Variants in SIM2 observed in about 807,000 individuals in gnomAD.
SIM2 encodes single-minded homolog 2.
A neutral mutation model predicts 64.8 loss-of-function variants in SIM2; 28 were observed. The ratio of observed to expected loss-of-function variants is 0.43; its 90% confidence interval spans 0.32 to 0.59. The LOEUF (loss-of-function observed/expected upper bound fraction) is 0.59, where lower values mean the gene tolerates loss of function less well. Ranked by LOEUF, SIM2 falls within the 20% of genes least tolerant of loss-of-function variation. The pLI is 0.07. For synonymous variants in SIM2, 408 were observed against 391.1 expected (o/e 1.04, Z -0.51); for missense variants, 847 against 871.4 (o/e 0.97, Z 0.35).
At position 36,712,606 on chromosome 21, in the gene SIM2, AT is replaced by A; in HGVS notation, c.335del (p.Leu112Ter). On this transcript the variant is annotated frameshift_variant, in exon 3 of 11. Transcript: ENST00000290399. LOFTEE classifies it high-confidence loss of function. Reference sequence around the variant, plus strand: ...TATATATCCGAGACCGCTTCTGTCCATTTAGGCTTATCCCAGGTGGGTATTG... The same window carrying A: ...TATATATCCGAGACCGCTTCTGTCCATTAGGCTTATCCCAGGTGGGTATTG... ...IMYISETASV[H>X]LGLSQVELTG... 1 of 1,612,562 alleles carries A rather than the reference AT, an allele frequency of 6.2e-7. No homozygotes were observed. Among genetic ancestry groups the A allele is most frequent in the Non-Finnish European group, 8.5e-7 (1 of 1,178,996 alleles).
chr21:36,708,548 C>A (rs1028639668), intron 1 of SIM2, among the ~76,000 whole-genome samples: 4 of 152,182 alleles, frequency 2.6e-5, no homozygotes, highest in Non-Finnish European at 5.9e-5. Flanking sequence ...CCCAGGTAAA[C>A]CCCTCACAGG....
rs1370008131 is a variant in SIM2, at chr21:36,732,432, A to G, written c.850+1281A>G. On this transcript the variant is annotated intron_variant, in intron 7 of 10. Coordinates refer to ENST00000290399, the MANE Select transcript of SIM2 (RefSeq NM_005069.6). ...CAGTGTCGAGTGGGAGGGGGACGGCAGGCCCGCAGGCCGCTAGGTCCACAG... is the reference window on the plus strand; with the variant it reads ...CAGTGTCGAGTGGGAGGGGGACGGCGGGCCCGCAGGCCGCTAGGTCCACAG... Among the ~76,000 whole-genome samples, 6 of 152,178 alleles carry G rather than the reference A, an allele frequency of 3.9e-5. No homozygotes were observed. The South Asian group carries it at 1.2e-3, about 32-fold the overall frequency.
chr21:36,742,327 C>G (rs1285504094), intron 8 of SIM2, among the ~76,000 whole-genome samples: 2 of 151,984 alleles, frequency 1.3e-5, no homozygotes, highest in African/African-American at 2.4e-5. Flanking sequence ...TCTTATAGAG[C>G]CTGTTACAAA....
At chr21:36,736,769 CTTCT>C (rs144390243) in intron 7 of SIM2, among the ~76,000 whole-genome samples, 84,639 of 142,848 alleles carry the variant, frequency 0.59, 25,856 homozygotes, top group East Asian at 0.68. Context: ...CCCTCCCTTT[CTTCT>C]TTCTTTCTTT....
rs2073417 is a variant in SIM2 at position 36,748,417 on chromosome 21, G to A, written c.*325G>A. 41,800 of 157,394 alleles carry A rather than the reference G, an allele frequency of 0.27. 5,962 individuals are homozygous for A. The highest frequency in any genetic ancestry group is 0.39 in the Middle Eastern group (129 of 328). 9.7% of individuals were successfully genotyped at this position (157,394 alleles called of 1,614,324 possible). On this transcript the variant is annotated 3_prime_UTR_variant, in exon 11 of 11. Transcript: ENST00000290399. The stretch of plus-strand genomic sequence containing the variant: ...CCCAACGTTCCACAACAGTCCCGCT[G>A]GGGGATTGAAGCGGTTTCACTCCGC...
chr21:36,733,059 G>T (rs2088992213), intron 7 of SIM2, among the ~76,000 whole-genome samples: 2 of 152,176 alleles, frequency 1.3e-5, no homozygotes, highest in African/African-American at 2.4e-5. Context: ...CTAAGGGAAA[G>T]CCCCAGCCCT....
intron 7 of SIM2, among the ~76,000 whole-genome samples, chr21:36,734,267 A>G (rs562607822): frequency 9.9e-4 from 150 of 152,230 alleles, no homozygotes; most frequent in African/African-American, 3.5e-3. Flanking sequence ...TGTGGTTTAT[A>G]TGATGAAGCC....
chr21:36,739,290 G>A (rs1231058512), intron 7 of SIM2, among the ~76,000 whole-genome samples: 2 of 152,132 alleles, frequency 1.3e-5, no homozygotes, highest in Non-Finnish European at 1.5e-5. Flanking sequence ...AGGAAATTGA[G>A]TCACAGGGGG....
chr21:36,739,332 TTGGAGGGGGTAGTGTA>T (rs1264944702), intron 7 of SIM2, among the ~76,000 whole-genome samples: 1 of 152,154 alleles, frequency 6.6e-6, no homozygotes, highest in Non-Finnish European at 1.5e-5. Context: ...ACACAGTTTG[TTGGAGGGGGTAGTGTA>T]TGCACGTGCC....
intron 10 of SIM2, among the ~76,000 whole-genome samples, chr21:36,746,698 C>A (rs973231336): frequency 1.3e-4 from 20 of 152,192 alleles, no homozygotes; most frequent in Non-Finnish European, 7.3e-5. Flanking sequence ...TTTGCATCTG[C>A]CATACCCGTG....
Position 36,731,102 on chromosome 21 carries a change from T to C in SIM2, c.801T>C (p.His267=). Reference sequence around the variant, plus strand: ...ACCTGATCGAGAAGACCCTATACCATCACGTGCACGGCTGCGACGTGTTCC... The same window carrying C: ...ACCTGATCGAGAAGACCCTATACCACCACGTGCACGGCTGCGACGTGTTCC... ...PQDLIEKTLY[H]HVHGCDVFHL... is the part of the protein sequence containing the mutation. Residue 267 remains histidine (H), a synonymous_variant, in exon 7 of 11, where the codon CAT becomes CAC. Transcript: ENST00000290399. 4 of 1,614,018 alleles carry C rather than the reference T, an allele frequency of 2.5e-6. No individual in the cohort carries two copies. The highest frequency in any genetic ancestry group is 3.4e-6 in the Non-Finnish European group (4 of 1,180,012).
chr21:36,745,695 T>G lies in SIM2; in HGVS notation c.1576+559T>G. ...TCACCTGTAAAATGGGGTGAAGCTG[T>G]GATGTGCCTACTCCCAAGGACACGA... On this transcript the variant is annotated intron_variant, in intron 10 of 10. Transcript: ENST00000290399. The surrounding 1 kb of genome is among the most constrained non-coding windows in gnomAD (Gnocchi z 4.8). 1 of 1,236,144 alleles carries G rather than the reference T, an allele frequency of 8.1e-7. No individual in the cohort carries two copies. The highest frequency in any genetic ancestry group is 1.4e-5 in the South Asian group (1 of 70,612). The allele number at this position is 1,236,144 out of a possible 1,614,324, so 76.6% of individuals were successfully genotyped here.
intron 7 of SIM2, among the ~76,000 whole-genome samples, chr21:36,738,829 A>G (rs1407377110): frequency 1.3e-5 from 2 of 152,268 alleles, no homozygotes; most frequent in Non-Finnish European, 2.9e-5. Flanking sequence ...GCCTTTGCCT[A>G]TACCCTTGAG....
At position 36,747,783 on chromosome 21, in the gene SIM2, C is replaced by T; in HGVS notation, c.1695C>T (p.Ala565=). ...LGPAKAARQA[A]RDGARLALAR... ...CGGCCAAAGCCGCCCGCCAGGCCGC[C>T]CGGGACGGGGCGCGGCTGGCGCTGG... The change falls in exon 11 of 11, where the codon GCC becomes GCT. Residue 565 remains alanine, a synonymous_variant. Coordinates refer to ENST00000290399, the MANE Select transcript of SIM2 (RefSeq NM_005069.6). This position sits in a 1 kb window ranked among gnomAD's most constrained non-coding sequence, Gnocchi z 4.5. 3.7e-6 allele frequency: 4 copies of T among 1,092,844 alleles called. No individual in the cohort carries two copies. Among genetic ancestry groups the T allele is most frequent in the East Asian group, 5.7e-5 (1 of 17,544 alleles). The allele number at this position is 1,092,844 out of a possible 1,614,324, so 67.7% of individuals were successfully genotyped here.
intron 3 of SIM2, among the ~76,000 whole-genome samples, chr21:36,715,515 G>A (rs2835445): frequency 0.068 from 10,424 of 152,196 alleles, 453 homozygotes; most frequent in Non-Finnish European, 0.089. Context: ...CTTTTAAAAA[G>A]AATTTCTGAT....
chr21:36,737,177 T>C lies in SIM2; in HGVS notation c.851-4540T>C, dbSNP rs146253639. On this transcript the variant is annotated intron_variant, in intron 7 of 10. Coordinates refer to ENST00000290399, the MANE Select transcript of SIM2 (RefSeq NM_005069.6). ...CTCCTGTGTTCAAGTGATCCTCCCA[T>C]CTTGACCTCCCAAAGTGTTGGGATT... Among the ~76,000 whole-genome samples the C allele has an allele frequency of 9.9e-4, 151 of 152,256 alleles. 1 individual carries two copies. Among genetic ancestry groups the C allele is most frequent in the African/African-American group, 3.1e-3 (130 of 41,566 alleles).
chr21:36,706,686 G>A (rs145702958), intron 1 of SIM2, among the ~76,000 whole-genome samples: 20 of 152,130 alleles, frequency 1.3e-4, no homozygotes, highest in African/African-American at 4.8e-4. Context: ...AAAAAACCTC[G>A]CCCGCATTGG....
Position 36,726,105 on chromosome 21 carries a change from C to G in SIM2, c.544-14C>G. ...CCAGTGGCCAGTGGCTGACCCTGCC[C>G]TCTCCACTCCCAGGTCATCCACTGC... On this transcript the variant is annotated splice_polypyrimidine_tract_variant and intron_variant, in intron 5 of 10. Coordinates refer to ENST00000290399, the MANE Select transcript of SIM2 (RefSeq NM_005069.6). The surrounding 1 kb of genome is among the most constrained non-coding windows in gnomAD (Gnocchi z 4.5). 1 of 1,610,314 alleles carries G rather than the reference C, an allele frequency of 6.2e-7. No individual in the cohort carries two copies. The highest frequency in any genetic ancestry group is 8.5e-7 in the Non-Finnish European group (1 of 1,178,010).
At chr21:36,729,769 A>C (rs565003200) in intron 6 of SIM2, among the ~76,000 whole-genome samples, 1 of 152,140 alleles carries the variant, frequency 6.6e-6, no homozygotes. Context: ...CTTCGAGGAC[A>C]TGGTGCCCGG....
Sources: allele counts gnomAD v4.1 joint callset (sites outside exome capture counted in the v4.1 genomes callset), GRCh38; gene constraint gnomAD v4.1.1; non-coding constraint Gnocchi (gnomAD v3.1); transcripts MANE v1.5; gene names NCBI Gene and HGNC (gene_info 2026-07-23, HGNC 2026-07-21).